FHOD3: variants seen among roughly 807,000 people sequenced by gnomAD.
FHOD3 encodes the protein FH1/FH2 domain-containing protein 3.
Under a neutral mutation model 173.0 loss-of-function variants are expected in FHOD3, and 90 were observed. That is an observed-to-expected ratio of 0.52 (90% CI 0.44 to 0.62). FHOD3 has a LOEUF of 0.62. Among genes scored for constraint, FHOD3 ranks in the 20% least tolerant of loss-of-function variants. FHOD3 has a pLI of 0.00. For synonymous variants in FHOD3, 828 were observed against 823.0 expected (o/e 1.01, Z -0.10); for missense variants, 1,945 against 2,034.7 (o/e 0.96, Z 0.85).
At chr18:36,350,206 T>C (rs997035871) in intron 1 of FHOD3, among the ~76,000 whole-genome samples, 2 of 152,196 alleles carry the variant, frequency 1.3e-5, no homozygotes, top group Non-Finnish European at 2.9e-5. Flanking sequence ...TCCTGCTTTA[T>C]TGGTGTGTTT....
At chr18:36,650,012 A>G (rs1440237598) in intron 11 of FHOD3, among the ~76,000 whole-genome samples, 1 of 152,088 alleles carries the variant, frequency 6.6e-6, no homozygotes, top group African/African-American at 2.4e-5. Context: ...CTTTCTTTCT[A>G]TCCTCAGGCA....
chr18:36,714,515 C>T (rs563752541), intron 18 of FHOD3, among the ~76,000 whole-genome samples: 37 of 152,036 alleles, frequency 2.4e-4, no homozygotes, highest in Non-Finnish European at 3.2e-4. Flanking sequence ...CCAGTCTGGG[C>T]GACACAGTGA....
intron 1 of FHOD3, among the ~76,000 whole-genome samples, chr18:36,347,497 A>G (rs757335314): frequency 3.3e-5 from 5 of 152,314 alleles, no homozygotes; most frequent in Middle Eastern, 3.4e-3. Flanking sequence ...AGTCAATTTC[A>G]AGACATTGCT....
intron 2 of FHOD3, among the ~76,000 whole-genome samples, chr18:36,371,742 A>G (rs531290022): frequency 8.5e-5 from 13 of 152,292 alleles, no homozygotes; most frequent in African/African-American, 3.1e-4. Context: ...CTTCTCTCCA[A>G]CACAACCACA....
intron 5 of FHOD3, chr18:36,544,452 G>C (rs938734430): frequency 1.3e-5 from 2 of 152,272 alleles, no homozygotes; most frequent in Non-Finnish European, 2.9e-5. Context: ...GGCATTCTCC[G>C]GGCCTACTGA....
chr18:36,599,226 A>C (rs1054310969), intron 7 of FHOD3, among the ~76,000 whole-genome samples: 2 of 152,244 alleles, frequency 1.3e-5, no homozygotes, highest in Admixed American at 6.5e-5. Context: ...AGGGTGAGGC[A>C]AGTGACCAGA....
At chr18:36,332,395 G>T (rs1175770068) in intron 1 of FHOD3, among the ~76,000 whole-genome samples, 2 of 152,198 alleles carry the variant, frequency 1.3e-5, no homozygotes. Context: ...GGCCTAGAGG[G>T]AAGGAGACAT....
At chr18:36,604,062 T>C (rs769474290) in intron 8 of FHOD3, among the ~76,000 whole-genome samples, 3 of 152,174 alleles carry the variant, frequency 2.0e-5, no homozygotes, top group East Asian at 1.9e-4. Context: ...TGGTCCTTGG[T>C]GCTCTTCCTC....
At position 36,640,498 on chromosome 18, in the gene FHOD3, T is replaced by C. The variant is rs866944629; in HGVS notation, c.1197-8818T>C. ...CAAGATCAAACTGCAATTTAAGGAT[T>C]CAGTAACACAGAAGGCTGCAGACCA... On this transcript the variant is annotated intron_variant, in intron 10 of 28. Coordinates refer to ENST00000590592, the MANE Select transcript of FHOD3 (RefSeq NM_001281740.3). Among the ~76,000 whole-genome samples the C allele has an allele frequency of 2.8e-4, 43 of 152,320 alleles. No individual in the cohort carries two copies. In the Middle Eastern group the frequency reaches 0.017, roughly 60 times the overall value.
intron 1 of FHOD3, among the ~76,000 whole-genome samples, chr18:36,302,571 T>C (rs1329764695): frequency 6.6e-6 from 1 of 152,240 alleles, no homozygotes; most frequent in African/African-American, 2.4e-5. Flanking sequence ...AAGACCTGGC[T>C]GTTCAGTTCT....
chr18:36,655,865 G>T (rs2036394323), intron 13 of FHOD3, among the ~76,000 whole-genome samples: 1 of 152,182 alleles, frequency 6.6e-6, no homozygotes. Flanking sequence ...TAATTGCTTA[G>T]ACATTAGGAA....
intron 17 of FHOD3, among the ~76,000 whole-genome samples, chr18:36,694,132 C>T (rs547102324): frequency 1.2e-4 from 19 of 152,312 alleles, no homozygotes; most frequent in African/African-American, 4.6e-4. Flanking sequence ...TGGTTCTCAG[C>T]AGCGTTTACA....
intron 5 of FHOD3, among the ~76,000 whole-genome samples, chr18:36,541,392 A>G (rs1219011702): frequency 6.6e-6 from 1 of 152,076 alleles, no homozygotes; most frequent in African/African-American, 2.4e-5. Context: ...AAGCTTGGGT[A>G]ACAAAATGAG....
chr18:36,301,819 A>T (rs1347560214), intron 1 of FHOD3, among the ~76,000 whole-genome samples: 1 of 152,256 alleles, frequency 6.6e-6, no homozygotes, highest in African/African-American at 2.4e-5. Context: ...ATATTTTTAC[A>T]AAACACTGGT....
At chr18:36,765,115 C>A (rs986786411) in intron 27 of FHOD3, among the ~76,000 whole-genome samples, 5 of 152,166 alleles carry the variant, frequency 3.3e-5, no homozygotes, top group African/African-American at 1.2e-4. Context: ...CTAAATGGAG[C>A]ACTGCGGGAT....
intron 10 of FHOD3, among the ~76,000 whole-genome samples, chr18:36,639,501 A>T (rs1217911295): frequency 6.6e-6 from 1 of 152,118 alleles, no homozygotes; most frequent in Non-Finnish European, 1.5e-5. Flanking sequence ...TCTACTAAAA[A>T]ATACAAAAAA....
intron 3 of FHOD3, among the ~76,000 whole-genome samples, chr18:36,498,364 G>GA (rs1331579945): frequency 1.3e-5 from 2 of 152,160 alleles, no homozygotes; most frequent in East Asian, 1.9e-4. Flanking sequence ...AAAGCAGTAG[G>GA]AAAAAACCTC....
intron 2 of FHOD3, among the ~76,000 whole-genome samples, chr18:36,372,424 G>C (rs1270675238): frequency 6.6e-6 from 1 of 152,246 alleles, no homozygotes; most frequent in African/African-American, 2.4e-5. Flanking sequence ...TGCAGACTCT[G>C]TGGATGGAAT....
chr18:36,383,773 G>C (rs927065429), intron 3 of FHOD3, among the ~76,000 whole-genome samples: 3 of 152,214 alleles, frequency 2.0e-5, no homozygotes, highest in Non-Finnish European at 4.4e-5. Flanking sequence ...GGAGAAAACT[G>C]AGGCACGCAG....
Sources: allele counts gnomAD v4.1 joint callset (sites outside exome capture counted in the v4.1 genomes callset), GRCh38; gene constraint gnomAD v4.1.1; transcripts MANE v1.5; gene names NCBI Gene and HGNC (gene_info 2026-07-23, HGNC 2026-07-21).